GALNT17: variants seen among roughly 807,000 people sequenced by gnomAD.
The protein encoded by GALNT17 is polypeptide N-acetylgalactosaminyltransferase 17.
A neutral mutation model predicts 63.7 loss-of-function variants in GALNT17; 29 were observed. The ratio of observed to expected loss-of-function variants is 0.46; its 90% CI spans 0.34 to 0.62. The LOEUF (loss-of-function observed/expected upper bound fraction) is 0.62, where lower values mean the gene tolerates loss of function less well. Among genes scored for constraint, GALNT17 ranks in the 20% least tolerant of loss-of-function variants. The pLI is 0.01. For missense variants in GALNT17, 603 were observed against 799.6 expected (o/e 0.75, Z 2.97); for synonymous variants, 305 against 318.3 (o/e 0.96, Z 0.45).
At chr7:71,693,217 A>C (rs569820020) in intron 9 of GALNT17, among the ~76,000 whole-genome samples, 2 of 147,656 alleles carry the variant, frequency 1.4e-5, no homozygotes, top group African/African-American at 5.0e-5. Flanking sequence ...ATATATATCT[A>C]CAATACATGT....
chr7:71,497,694 T>G (rs373647640), intron 5 of GALNT17, among the ~76,000 whole-genome samples: 10 of 152,198 alleles, frequency 6.6e-5, no homozygotes, highest in African/African-American at 2.4e-4. Context: ...TGTGCTATTT[T>G]CCTGGAGCAC....
At chr7:71,627,482 G>A (rs1395422876) in intron 6 of GALNT17, among the ~76,000 whole-genome samples, 3 of 152,182 alleles carry the variant, frequency 2.0e-5, no homozygotes, top group Non-Finnish European at 4.4e-5. Flanking sequence ...GCTTGCCATG[G>A]CTGCCTTGAG....
intron 9 of GALNT17, among the ~76,000 whole-genome samples, chr7:71,682,639 G>A (rs896826844): frequency 2.6e-5 from 4 of 151,928 alleles, no homozygotes; most frequent in Non-Finnish European, 5.9e-5. Context: ...TGACCTCCTA[G>A]GCTCAAGAAA....
chr7:71,514,091 A>G (rs1788408887), intron 5 of GALNT17, among the ~76,000 whole-genome samples: 1 of 152,194 alleles, frequency 6.6e-6, no homozygotes. Flanking sequence ...GCAATTCAGG[A>G]GGCTGAAGCA....
chr7:71,301,424 AAT>A (rs1354379318), intron 1 of GALNT17, among the ~76,000 whole-genome samples: 1 of 147,684 alleles, frequency 6.8e-6, no homozygotes, highest in Non-Finnish European at 1.5e-5. Flanking sequence ...TATATAATAA[AAT>A]ATATAACATA....
chr7:71,509,105 A>G (rs958110952), intron 5 of GALNT17, among the ~76,000 whole-genome samples: 2 of 152,222 alleles, frequency 1.3e-5, no homozygotes, highest in African/African-American at 4.8e-5. Context: ...AGCAATACAC[A>G]TTCAGTAGAA....
chr7:71,624,905 A>G (rs944375844), intron 6 of GALNT17, among the ~76,000 whole-genome samples: 4 of 152,196 alleles, frequency 2.6e-5, no homozygotes, highest in Admixed American at 2.6e-4. Flanking sequence ...CATTTCATTC[A>G]TCATTAGAGC....
chr7:71,508,710 A>G (rs1330822511), intron 5 of GALNT17, among the ~76,000 whole-genome samples: 1 of 151,918 alleles, frequency 6.6e-6, no homozygotes, highest in African/African-American at 2.4e-5. Flanking sequence ...GTGGGGGCCA[A>G]AGGGACCCTG....
intron 5 of GALNT17, among the ~76,000 whole-genome samples, chr7:71,537,730 T>C (rs889761932): frequency 1.3e-5 from 2 of 152,030 alleles, no homozygotes; most frequent in Non-Finnish European, 2.9e-5. Context: ...GGAGAATCAC[T>C]TGAACCCAGG....
At chr7:71,548,884 C>T (rs1789029570) in intron 5 of GALNT17, among the ~76,000 whole-genome samples, 9 of 152,328 alleles carry the variant, frequency 5.9e-5, no homozygotes, top group Non-Finnish European at 1.5e-5. Flanking sequence ...GTTACATCTC[C>T]ATGTCATTAT....
At chr7:71,384,464 C>G (rs533543205) in intron 2 of GALNT17, among the ~76,000 whole-genome samples, 2 of 152,318 alleles carry the variant, frequency 1.3e-5, no homozygotes, top group East Asian at 3.9e-4. Flanking sequence ...TTCTCTGACT[C>G]AAACTACCTT....
chr7:71,149,352 A>G (rs2116208985), intron 1 of GALNT17, among the ~76,000 whole-genome samples: 1 of 152,264 alleles, frequency 6.6e-6, no homozygotes, highest in East Asian at 1.9e-4. Context: ...AAATAAACAA[A>G]TTGTCCAGAG....
intron 1 of GALNT17, among the ~76,000 whole-genome samples, chr7:71,207,575 G>A (rs1199127152): frequency 1.3e-5 from 2 of 151,954 alleles, no homozygotes; most frequent in Non-Finnish European, 2.9e-5. Flanking sequence ...GTGGGTTGGG[G>A]TAGGGAGGTA....
At chr7:71,206,415 C>G (rs911394469) in intron 1 of GALNT17, among the ~76,000 whole-genome samples, 1 of 151,944 alleles carries the variant, frequency 6.6e-6, no homozygotes, top group African/African-American at 2.4e-5. Context: ...CCAGAGGCAG[C>G]GGGAGAAGCA....
At chr7:71,512,918 G>T (rs956874856) in intron 5 of GALNT17, among the ~76,000 whole-genome samples, 1 of 152,172 alleles carries the variant, frequency 6.6e-6, no homozygotes, top group African/African-American at 2.4e-5. Flanking sequence ...CTCCAACCTG[G>T]CCTCCTCTTT....
intron 1 of GALNT17, among the ~76,000 whole-genome samples, chr7:71,295,615 C>A (rs1452614623): frequency 1.3e-5 from 2 of 150,862 alleles, no homozygotes; most frequent in Admixed American, 1.3e-4. Context: ...CTTCCCCCAC[C>A]TCCACTTTCT....
intron 6 of GALNT17, among the ~76,000 whole-genome samples, chr7:71,645,469 G>C (rs1235810574): frequency 6.6e-6 from 1 of 152,134 alleles, no homozygotes; most frequent in Non-Finnish European, 1.5e-5. Context: ...AGAAGTGCCT[G>C]CTTCCCTTTC....
At chr7:71,524,518 T>TC (rs2116761949) in intron 5 of GALNT17, among the ~76,000 whole-genome samples, 1 of 152,174 alleles carries the variant, frequency 6.6e-6, no homozygotes, top group East Asian at 1.9e-4. Context: ...ACACATGGCT[T>TC]CAGTCTTGAA....
At chr7:71,344,617 G>T (rs1792058669) in intron 2 of GALNT17, among the ~76,000 whole-genome samples, 1 of 152,098 alleles carries the variant, frequency 6.6e-6, no homozygotes, top group Admixed American at 6.6e-5. Flanking sequence ...AGAAGATGGA[G>T]GCTGGTAGCA....
Sources: gnomAD v4.1 joint callset for allele counts (sites outside exome capture counted in the v4.1 genomes callset) on GRCh38, gnomAD v4.1.1 for gene constraint, MANE v1.5 for transcripts, NCBI Gene and HGNC (gene_info 2026-07-23, HGNC 2026-07-21) for gene names.